The following GYPC variants were observed in gnomAD, a reference collection of about 807,000 sequenced individuals.
The protein encoded by GYPC is glycophorin-C.
A neutral mutation model predicts 12.6 loss-of-function variants in GYPC; 14 were observed. The observed-to-expected ratio is 1.11, with a 90% CI of 0.74 to 1.74. The LOEUF is 1.74. Ranked by LOEUF, GYPC falls within the 40% of genes most tolerant of loss-of-function variation. GYPC has a pLI of 0.00. For synonymous variants in GYPC, 78 were observed against 62.1 expected, an observed-to-expected ratio of 1.26 and a Z score of -1.20; for missense variants, 225 against 172.1, an observed-to-expected ratio of 1.31 and a Z score of -1.72.
chr2:126,666,695 T>C (rs143762441), intron 1 of GYPC, among the ~76,000 whole-genome samples: 55 of 116,388 alleles, frequency 4.7e-4, no homozygotes, highest in Admixed American at 8.7e-4. Flanking sequence ...CCTGCCCCCC[T>C]CCCCTCCCTC....
intron 1 of GYPC, among the ~76,000 whole-genome samples, chr2:126,674,878 C>T (rs528370682): frequency 1.3e-5 from 2 of 152,186 alleles, no homozygotes; most frequent in Non-Finnish European, 2.9e-5. Flanking sequence ...CTGTTAACCC[C>T]CCAACACATT....
intron 1 of GYPC, chr2:126,657,583 T>TGTTTA (rs903980934): frequency 1.3e-5 from 2 of 152,290 alleles, no homozygotes; most frequent in Middle Eastern, 3.4e-3. Context: ...CTTGAGCATA[T>TGTTTA]GTTTATGTGT....
Position 126,663,383 on chromosome 2 carries a change from A to G in GYPC, c.49+7071A>G, listed in dbSNP as rs565910610. 2.0e-5 allele frequency among the ~76,000 whole-genome samples: 3 copies of G among 152,328 alleles called. No individual in the cohort carries two copies. The South Asian group carries it at 6.2e-4, about 32-fold the overall frequency. On this transcript the variant is annotated intron_variant, in intron 1 of 3. Transcript: ENST00000259254. ...GTCAGCACTGCGGTGGAGACAGCCC[A>G]GAAAACACACGCAGGCCCTGCTCTT...
At chr2:126,682,782 T>C (rs1683184629) in intron 1 of GYPC, among the ~76,000 whole-genome samples, 1 of 152,186 alleles carries the variant, frequency 6.6e-6, no homozygotes, top group Non-Finnish European at 1.5e-5. Context: ...AAGCCTGAGC[T>C]TCTTCAGTTG....
intron 1 of GYPC, among the ~76,000 whole-genome samples, chr2:126,669,403 T>G (rs28387124): frequency 0.61 from 92,336 of 151,872 alleles, 29,951 homozygotes; most frequent in Non-Finnish European, 0.71. Flanking sequence ...CAACCCCTAG[T>G]CTATCTCTTA....
intron 1 of GYPC, among the ~76,000 whole-genome samples, chr2:126,669,286 C>T (rs1184494166): frequency 6.6e-6 from 1 of 152,144 alleles, no homozygotes; most frequent in African/African-American, 2.4e-5. Flanking sequence ...GACATTTGTC[C>T]CTGGTCATCA....
At chr2:126,661,003 C>A (rs1053654786) in intron 1 of GYPC, among the ~76,000 whole-genome samples, 2 of 152,182 alleles carry the variant, frequency 1.3e-5, no homozygotes, top group Non-Finnish European at 2.9e-5. Context: ...AATGCTGGCT[C>A]CTCTCCTTAG....
At chr2:126,686,116 G>T in intron 1 of GYPC, 2 of 985,368 alleles carry the variant, frequency 2.0e-6, no homozygotes, top group Non-Finnish European at 2.4e-6. Flanking sequence ...AGGAAAAAAA[G>T]AGAACTTTTT....
At chr2:126,692,928 A>G (rs503692) in intron 2 of GYPC, among the ~76,000 whole-genome samples, 35 of 150,502 alleles carry the variant, frequency 2.3e-4, no homozygotes, top group South Asian at 4.2e-4. Context: ...ACGTCTCTGA[A>G]CCTTGGTGTT....
At chr2:126,692,374 T>C (rs28387210) in intron 2 of GYPC, among the ~76,000 whole-genome samples, 2,320 of 152,188 alleles carry the variant, frequency 0.015, 61 homozygotes, top group African/African-American at 0.052. Flanking sequence ...CCCTCACCCA[T>C]TATGACTCCT....
chr2:126,683,134 A>G (rs1398991821), intron 1 of GYPC, among the ~76,000 whole-genome samples: 2 of 152,180 alleles, frequency 1.3e-5, no homozygotes, highest in African/African-American at 2.4e-5. Flanking sequence ...CCTGGGCAAC[A>G]TGGCGAAAAA....
chr2:126,695,288 G>C (rs1261460712), intron 3 of GYPC, among the ~76,000 whole-genome samples: 1 of 152,134 alleles, frequency 6.6e-6, no homozygotes, highest in Non-Finnish European at 1.5e-5. Flanking sequence ...TCAGTCCTGG[G>C]GTATGATTCT....
At chr2:126,677,128 G>A (rs531260775) in intron 1 of GYPC, among the ~76,000 whole-genome samples, 4 of 152,222 alleles carry the variant, frequency 2.6e-5, no homozygotes, top group Admixed American at 2.6e-4. Flanking sequence ...GTCAGTGTGT[G>A]TGCATGTTTG....
At chr2:126,662,894 C>G (rs1454097919) in intron 1 of GYPC, among the ~76,000 whole-genome samples, 1 of 152,168 alleles carries the variant, frequency 6.6e-6, no homozygotes, top group Non-Finnish European at 1.5e-5. Flanking sequence ...CCTGCTCCCT[C>G]CTTGCTCTCC....
intron 2 of GYPC, among the ~76,000 whole-genome samples, chr2:126,693,209 G>T (rs1253056328): frequency 1.3e-5 from 2 of 152,254 alleles, no homozygotes; most frequent in Non-Finnish European, 2.9e-5. Flanking sequence ...GCTGTCGTGA[G>T]ACTGGATTAG....
At chr2:126,667,353 C>G (rs1306428731) in intron 1 of GYPC, among the ~76,000 whole-genome samples, 1 of 152,010 alleles carries the variant, frequency 6.6e-6, no homozygotes, top group Non-Finnish European at 1.5e-5. Context: ...AGTTTCCAGA[C>G]ATGACTCCTA....
rs543788224 is a variant in GYPC, at chr2:126,664,422, C to A, written c.49+8110C>A. Among the ~76,000 whole-genome samples, 3 of 152,240 alleles carry A rather than the reference C, an allele frequency of 2.0e-5. No individual in the cohort carries two copies. The South Asian group carries it at 6.2e-4, about 32-fold the overall frequency. On this transcript the variant is annotated intron_variant, in intron 1 of 3. Transcript: ENST00000259254. ...GTGGATGTGACTTCCAGAGAACCTACCAGCCCCTCACACCTCCTTCTCTTC... is the reference window on the plus strand; with the variant it reads ...GTGGATGTGACTTCCAGAGAACCTAACAGCCCCTCACACCTCCTTCTCTTC...
chr2:126,672,923 T>A (rs548004479), intron 1 of GYPC, among the ~76,000 whole-genome samples: 1 of 152,168 alleles, frequency 6.6e-6, no homozygotes, highest in Non-Finnish European at 1.5e-5. Context: ...CAGCTCGGCC[T>A]CACACAGCTC....
At chr2:126,681,772 T>C (rs1363651565) in intron 1 of GYPC, among the ~76,000 whole-genome samples, 2 of 99,654 alleles carry the variant, frequency 2.0e-5, no homozygotes, top group Non-Finnish European at 4.1e-5. Context: ...GAGCAAAAAC[T>C]TCATCCAAAA....
Sources: allele counts gnomAD v4.1 joint callset (sites outside exome capture counted in the v4.1 genomes callset), GRCh38; gene constraint gnomAD v4.1.1; transcripts MANE v1.5; gene names NCBI Gene and HGNC (gene_info 2026-07-23, HGNC 2026-07-21).